The following PCDHA10 variants were observed in gnomAD, a reference collection of about 807,000 sequenced individuals.
The protein encoded by PCDHA10 is protocadherin alpha 10, also known as protocadherin alpha-10.
Under a neutral mutation model 61.2 loss-of-function variants are expected in PCDHA10, and 45 were observed. That is an observed-to-expected ratio of 0.74 (90% CI 0.58 to 0.94). The LOEUF (loss-of-function observed/expected upper bound fraction) is 0.94, where lower values mean the gene tolerates loss of function less well. Among genes scored for constraint, PCDHA10 ranks in the 40% least tolerant of loss-of-function variants. The pLI is 0.00. For missense variants in PCDHA10, 1,278 were observed against 1,236.2 expected, an observed-to-expected ratio of 1.03 and a Z score of -0.51; for synonymous variants, 602 against 548.8, an observed-to-expected ratio of 1.10 and a Z score of -1.35.
chr5:140,892,262 T>G (rs1554185143), intron 1 of PCDHA10, among the ~76,000 whole-genome samples: 1 of 152,188 alleles, frequency 6.6e-6, no homozygotes, highest in African/African-American at 2.4e-5. Flanking sequence ...TTTGATTTTG[T>G]GCTGAAAGTT....
intron 1 of PCDHA10, among the ~76,000 whole-genome samples, chr5:140,952,192 G>A (rs572613863): frequency 1.1e-4 from 16 of 152,198 alleles, no homozygotes; most frequent in African/African-American, 3.9e-4. Flanking sequence ...TCATGGGTTG[G>A]TGTTGAATGC....
intron 1 of PCDHA10, chr5:140,871,278 G>A: frequency 6.2e-7 from 1 of 1,613,918 alleles, no homozygotes; most frequent in African/African-American, 1.3e-5. Context: ...GGTCGGCAAC[G>A]CCCACTGAGG....
At chr5:140,873,076 AT>A (rs2054077114) in intron 1 of PCDHA10, among the ~76,000 whole-genome samples, 1 of 152,056 alleles carries the variant, frequency 6.6e-6, no homozygotes, top group South Asian at 2.1e-4. Flanking sequence ...ATATCTAGCT[AT>A]TTCCCCCCCG....
At chr5:140,913,212 T>G (rs113766408) in intron 1 of PCDHA10, among the ~76,000 whole-genome samples, 11,533 of 152,278 alleles carry the variant, frequency 0.076, 607 homozygotes, top group Non-Finnish European at 0.12. Flanking sequence ...AGCCAATGGG[T>G]CCCAGGCTTT....
chr5:140,977,518 G>C (rs1328241179), intron 1 of PCDHA10, among the ~76,000 whole-genome samples: 5 of 152,166 alleles, frequency 3.3e-5, no homozygotes, highest in African/African-American at 7.2e-5. Context: ...TTGTGAACTT[G>C]AAAACAAAGG....
intron 1 of PCDHA10, chr5:140,883,882 C>T (rs200536915): frequency 6.8e-6 from 11 of 1,613,068 alleles, no homozygotes; most frequent in Middle Eastern, 1.7e-4. Flanking sequence ...TGAGCGCGCG[C>T]GACTCTGGCG....
chr5:140,976,550 CATAA>C (rs782672542), intron 1 of PCDHA10, among the ~76,000 whole-genome samples: 4 of 151,944 alleles, frequency 2.6e-5, no homozygotes, highest in South Asian at 2.1e-4. Flanking sequence ...GACCCTATCT[CATAA>C]ATAAATAAAT....
rs782792374 is a variant in PCDHA10, at chr5:140,869,589, T to C, written c.2388+11153T>C. The C allele has an allele frequency of 2.5e-6, 4 of 1,614,002 alleles. No individual in the cohort carries two copies. The African/African-American group carries it at 4.0e-5, about 16-fold the overall frequency. On this transcript the variant is annotated intron_variant, in intron 1 of 3. Coordinates refer to ENST00000307360, the MANE Select transcript of PCDHA10 (RefSeq NM_018901.4). ...TAGAGGGAGCTTCTGATGCTGACAT[T>C]GAAGAGAATGCTCTATTGACCTACA...
At chr5:140,866,798 C>T (rs900250117) in intron 1 of PCDHA10, 1 of 152,110 alleles carries the variant, frequency 6.6e-6, no homozygotes, top group Non-Finnish European at 1.5e-5. Context: ...TAGTAAAAGT[C>T]AGGCACAAAG....
intron 1 of PCDHA10, chr5:140,881,502 A>G: frequency 1.2e-5 from 3 of 249,864 alleles, no homozygotes; most frequent in Non-Finnish European, 1.9e-5. Context: ...ACATACACAC[A>G]CTCACATACA....
At chr5:140,905,182 A>C (rs1283931938) in intron 1 of PCDHA10, among the ~76,000 whole-genome samples, 1 of 152,172 alleles carries the variant, frequency 6.6e-6, no homozygotes. Context: ...TTTAGATTTA[A>C]GTCTTTGATC....
chr5:140,972,758 A>G lies in PCDHA10; in HGVS notation c.2389-6191A>G, dbSNP rs563540989. Among the ~76,000 whole-genome samples, 16 of 150,884 alleles carry G rather than the reference A, an allele frequency of 1.1e-4. No individual in the cohort carries two copies. In the South Asian group the frequency reaches 3.4e-3, roughly 32 times the overall value. On this transcript the variant is annotated intron_variant, in intron 1 of 3. Transcript: ENST00000307360. ...GGCTCACTGCAACCTCCGCCTCCCA[A>G]GTTAAAGTGATTCTTCTGCCTCAGC...
At chr5:140,987,223 A>C (rs1269747690) in intron 3 of PCDHA10, among the ~76,000 whole-genome samples, 1 of 151,456 alleles carries the variant, frequency 6.6e-6, no homozygotes, top group African/African-American at 2.4e-5. Flanking sequence ...CAAAAAAAAA[A>C]AAAATAATAA....
In PCDHA10 at chr5:140,884,236, G is replaced by A. The variant is rs368136155; in HGVS notation, c.2388+25800G>A. ...TGGTGCTGGTGAAGGACCACGGTGAGCCCGCGCTGACGGCCACGGCAACGG... is the reference window on the plus strand; with the variant it reads ...TGGTGCTGGTGAAGGACCACGGTGAACCCGCGCTGACGGCCACGGCAACGG... On this transcript the variant is annotated intron_variant, in intron 1 of 3. Transcript: ENST00000307360. 11 of 1,613,334 alleles carry A rather than the reference G, an allele frequency of 6.8e-6. No homozygotes were observed. The African/African-American group carries it at 1.2e-4, about 18-fold the overall frequency.
At chr5:140,960,444 T>C in intron 1 of PCDHA10, among the ~76,000 whole-genome samples, 1 of 152,022 alleles carries the variant, frequency 6.6e-6, no homozygotes, top group Non-Finnish European at 1.5e-5. Context: ...TAGATATATG[T>C]ATGGATAATT....
intron 1 of PCDHA10, among the ~76,000 whole-genome samples, chr5:140,924,904 AAT>A (rs1277700524): frequency 5.2e-4 from 28 of 54,160 alleles, no homozygotes; most frequent in African/African-American, 2.1e-3. Context: ...CAAAAAAAAA[AAT>A]AAAATAAAAT....
intron 1 of PCDHA10, among the ~76,000 whole-genome samples, chr5:140,970,860 C>T (rs2096438853): frequency 6.6e-6 from 1 of 152,054 alleles, no homozygotes; most frequent in Non-Finnish European, 1.5e-5. Context: ...AAGTTCCATT[C>T]CTGATTGAGA....
At chr5:140,965,861 T>C (rs971753310) in intron 1 of PCDHA10, among the ~76,000 whole-genome samples, 3 of 152,192 alleles carry the variant, frequency 2.0e-5, no homozygotes, top group African/African-American at 7.2e-5. Flanking sequence ...ACACTGAAAA[T>C]AAGGGCCACT....
chr5:140,965,307 C>T (rs2095888914), intron 1 of PCDHA10, among the ~76,000 whole-genome samples: 1 of 152,150 alleles, frequency 6.6e-6, no homozygotes, highest in Admixed American at 6.5e-5. Context: ...ATCCTTCTAC[C>T]TTCTCTTTTA....
Sources: allele counts gnomAD v4.1 joint callset (sites outside exome capture counted in the v4.1 genomes callset), GRCh38; gene constraint gnomAD v4.1.1; transcripts MANE v1.5; gene names NCBI Gene and HGNC (gene_info 2026-07-23, HGNC 2026-07-21).